RELN: variants seen among roughly 807,000 people sequenced by gnomAD.
RELN encodes the protein reelin.
RELN carries 108 observed loss-of-function variants against 427.6 expected under a neutral mutation model. That is an observed-to-expected ratio of 0.25 (90% CI 0.22 to 0.30). The LOEUF (loss-of-function observed/expected upper bound fraction) is 0.30. RELN is among the 10% of genes least tolerant of loss of function. The probability of loss-of-function intolerance (pLI) is 1.00; values close to 1 mark genes in which losing one functional copy is unlikely to be tolerated. For missense variants in RELN, 3,715 were observed against 4,302.8 expected (o/e 0.86, Z 3.82); for synonymous variants, 1,524 against 1,513.4 (o/e 1.01, Z -0.16).
intron 1 of RELN, among the ~76,000 whole-genome samples, chr7:103,928,187 TA>T (rs1237028768): frequency 6.6e-6 from 1 of 152,176 alleles, no homozygotes; most frequent in Non-Finnish European, 1.5e-5. Context: ...CAGTATCAAT[TA>T]AAATACCTAT....
Position 103,565,562 on chromosome 7 carries a change from A to T in RELN, c.4937-11T>A. On this transcript the variant is annotated splice_polypyrimidine_tract_variant and intron_variant, in intron 33 of 64. Transcript: ENST00000428762. Reference sequence around the variant, plus strand: ...CATAACGAGGTTTTCCTGAAAAAAAAAAATGTGTAATGGTAGCATATATGT... The same window carrying T: ...CATAACGAGGTTTTCCTGAAAAAAATAAATGTGTAATGGTAGCATATATGT... 6.2e-7 allele frequency: 1 copy of T among 1,612,162 alleles called. No homozygotes were observed. The highest frequency in any genetic ancestry group is 8.5e-7 in the Non-Finnish European group (1 of 1,179,238).
In RELN at chr7:103,585,195, A is replaced by G. The variant is rs1207409603; in HGVS notation, c.4145+4401T>C. Among the ~76,000 whole-genome samples, 4 of 111,312 alleles carry G rather than the reference A, an allele frequency of 3.6e-5. No individual in the cohort carries two copies. The East Asian group carries it at 8.8e-4, about 25-fold the overall frequency. The allele number at this position is 111,312 out of a possible 152,430, so 73.0% of individuals were successfully genotyped here. A position where few individuals can be genotyped will look rare whatever the true frequency, so the allele number is the denominator to read the frequency against. On this transcript the variant is annotated intron_variant, in intron 28 of 64. Coordinates refer to ENST00000428762, the MANE Select transcript of RELN (RefSeq NM_005045.4). ...ACCCAAAGCTAGTGGAAGAAAAGAA[A>G]TAACAAAGATCAAAGCAGAACTAAA...
intron 1 of RELN, among the ~76,000 whole-genome samples, chr7:103,918,879 C>A (rs1173180193): frequency 6.6e-6 from 1 of 152,128 alleles, no homozygotes; most frequent in East Asian, 1.9e-4. Context: ...AAAAGACCAG[C>A]CAAAGACATT....
intron 3 of RELN, among the ~76,000 whole-genome samples, chr7:103,791,677 C>G (rs1792164644): frequency 6.6e-6 from 1 of 151,784 alleles, no homozygotes; most frequent in South Asian, 2.1e-4. Flanking sequence ...TACTTGGCAG[C>G]AGTTTCTTAA....
At chr7:103,523,578 A>C (rs747711088) in intron 46 of RELN, 47 bp from the exon 47 acceptor site, 14 of 1,605,056 alleles carry the variant, frequency 8.7e-6, no homozygotes, top group Non-Finnish European at 1.2e-5. Flanking sequence ...TGGAAAAGAA[A>C]ATGTGTTCCA....
At chr7:103,556,888 G>T in intron 38 of RELN, 89 bp downstream of exon 38, 1 of 1,100,122 alleles carries the variant, frequency 9.1e-7, no homozygotes, top group Non-Finnish European at 1.4e-6. Flanking sequence ...AAGCTGCTCA[G>T]TTGACAAACA....
intron 2 of RELN, among the ~76,000 whole-genome samples, chr7:103,887,610 G>A: frequency 6.6e-6 from 1 of 152,196 alleles, no homozygotes; most frequent in East Asian, 1.9e-4. Flanking sequence ...GGCTATGGCA[G>A]ATGGGATGAG....
intron 16 of RELN, among the ~76,000 whole-genome samples, chr7:103,642,604 A>C (rs182850916): frequency 7.8e-4 from 119 of 152,238 alleles, no homozygotes; most frequent in African/African-American, 2.4e-3. Flanking sequence ...ATGGGAACTC[A>C]GAGGATGTGT....
intron 10 of RELN, among the ~76,000 whole-genome samples, chr7:103,694,358 G>C (rs1487645924): frequency 6.6e-6 from 1 of 152,090 alleles, no homozygotes; most frequent in Non-Finnish European, 1.5e-5. Context: ...TCTGGTGAGA[G>C]ATGTATTTTG....
chr7:103,837,932 G>A (rs1363749347), intron 2 of RELN, among the ~76,000 whole-genome samples: 1 of 152,148 alleles, frequency 6.6e-6, no homozygotes, highest in Non-Finnish European at 1.5e-5. Context: ...GAAGGGCCAG[G>A]CGTGGTGGCT....
At chr7:103,798,670 G>A (rs1209295952) in intron 3 of RELN, among the ~76,000 whole-genome samples, 1 of 152,084 alleles carries the variant, frequency 6.6e-6, no homozygotes, top group Non-Finnish European at 1.5e-5. Context: ...TTTCCCATGA[G>A]GACATCTCTA....
At chr7:103,580,735 A>G (rs917489911) in intron 28 of RELN, among the ~76,000 whole-genome samples, 5 of 152,050 alleles carry the variant, frequency 3.3e-5, no homozygotes, top group Non-Finnish European at 5.9e-5. Flanking sequence ...CTTCCTCCCA[A>G]ACTTCTCCCT....
rs180685805 is a variant in RELN at position 103,969,469 on chromosome 7, G to A, written c.226+19662C>T. The stretch of plus-strand genomic sequence containing the variant: ...AATTACATTCGTAGATGCCAGAAAT[G>A]GCCAATTAGAAGATGTAATTTAAAA... On this transcript the variant is annotated intron_variant, in intron 1 of 64. Coordinates refer to ENST00000428762, the MANE Select transcript of RELN (RefSeq NM_005045.4). Among the ~76,000 whole-genome samples, 114 of 152,076 alleles carry A rather than the reference G, an allele frequency of 7.5e-4. 1 individual carries two copies. In the East Asian group the frequency reaches 0.019, roughly 25 times the overall value.
chr7:103,556,893 C>A, intron 38 of RELN, 84 bp downstream of exon 38: 1 of 1,163,280 alleles, frequency 8.6e-7, no homozygotes, highest in East Asian at 2.3e-5. Context: ...GCTCAGTTGA[C>A]AAACACTTCC....
At chr7:103,883,054 C>G (rs778233294) in intron 2 of RELN, among the ~76,000 whole-genome samples, 1 of 152,140 alleles carries the variant, frequency 6.6e-6, no homozygotes, top group African/African-American at 2.4e-5. Context: ...ATTGACAAAC[C>G]AAATCCAGCA....
chr7:103,864,412 T>C (rs1168678422), intron 2 of RELN, among the ~76,000 whole-genome samples: 1 of 152,194 alleles, frequency 6.6e-6, no homozygotes, highest in African/African-American at 2.4e-5. Flanking sequence ...ACTCACCTTG[T>C]ATAACTAAAA....
chr7:103,760,473 A>G lies in RELN; in HGVS notation c.545-7259T>C, dbSNP rs1791271941. On this transcript the variant is annotated intron_variant, in intron 4 of 64. Coordinates refer to ENST00000428762, the MANE Select transcript of RELN (RefSeq NM_005045.4). The stretch of plus-strand genomic sequence containing the variant: ...AATTTTAAAGTAATCATCTGACTCC[A>G]AAATATAGCAGCACTAATACACTTC... 2.6e-5 allele frequency among the ~76,000 whole-genome samples: 4 copies of G among 152,154 alleles called. No homozygotes were observed. The South Asian group carries it at 8.3e-4, about 32-fold the overall frequency.
At chr7:103,707,345 T>C (rs1212736172) in intron 8 of RELN, among the ~76,000 whole-genome samples, 1 of 152,068 alleles carries the variant, frequency 6.6e-6, no homozygotes, top group Non-Finnish European at 1.5e-5. Flanking sequence ...AAAGTTGCAT[T>C]CCAAGAAAAG....
rs751843647 is a variant in RELN at position 103,497,159 on chromosome 7, A to G, written c.8951-391T>C. 8.9e-4 allele frequency among the ~76,000 whole-genome samples: 135 copies of G among 151,802 alleles called. 1 individual carries two copies. The highest frequency in any genetic ancestry group is 1.5e-3 in the Non-Finnish European group (100 of 67,828). ...ATGCAATTTAATTATTTGGACTGGT[A>G]TAAAGTTTATCTCTTCTTGCTTGAT... is the stretch of plus-strand genomic sequence containing the variant. On this transcript the variant is annotated intron_variant, in intron 55 of 64. Transcript: ENST00000428762.
Sources: gnomAD v4.1 joint callset for allele counts (sites outside exome capture counted in the v4.1 genomes callset) on GRCh38, gnomAD v4.1.1 for gene constraint, MANE v1.5 for transcripts, NCBI Gene and HGNC (gene_info 2026-07-23, HGNC 2026-07-21) for gene names.